Variants in VRK2 observed in about 807,000 individuals in gnomAD.
VRK2 encodes the protein VRK serine/threonine kinase 2, also known as serine/threonine-protein kinase VRK2.
A neutral mutation model predicts 57.6 loss-of-function variants in VRK2; 60 were observed. The observed-to-expected ratio is 1.04, with a 90% CI of 0.85 to 1.29. The LOEUF is 1.29. Among genes scored for constraint, VRK2 ranks in the 50% most tolerant of loss-of-function variants. The pLI is 0.00. For synonymous variants in VRK2, 231 were observed against 199.2 expected (o/e 1.16, Z -1.35); for missense variants, 705 against 588.1 (o/e 1.20, Z -2.06).
At position 58,046,879 on chromosome 2, in the gene VRK2, T is replaced by G; in HGVS notation, c.-6+11T>G. On this transcript the variant is annotated intron_variant, in intron 1 of 12. Transcript: ENST00000340157. ...GGATCCTGAGGCCCGGTCAGTCTCT[T>G]GCTCTGGGGTCTTGGGTGGCGGGCG... is the stretch of plus-strand genomic sequence containing the variant. 3.0e-6 allele frequency: 3 copies of G among 985,294 alleles called. No homozygotes were observed. The highest frequency in any genetic ancestry group is 2.4e-6 in the Non-Finnish European group (2 of 829,830). 61.0% of individuals were successfully genotyped at this position (985,294 alleles called of 1,614,324 possible).
At chr2:58,134,851 C>A (rs1679778408) in intron 9 of VRK2, among the ~76,000 whole-genome samples, 1 of 152,032 alleles carries the variant, frequency 6.6e-6, no homozygotes, top group Admixed American at 6.5e-5. Context: ...GTTAACTGGT[C>A]TTTTGTTATA....
intron 12 of VRK2, among the ~76,000 whole-genome samples, chr2:58,151,770 T>G (rs12713374): frequency 7.7e-6 from 1 of 129,064 alleles, no homozygotes; most frequent in Non-Finnish European, 1.6e-5. Context: ...TTTTTTTTGG[T>G]GGTCACTCTA....
chr2:58,102,597 A>G (rs1674152166), intron 7 of VRK2, among the ~76,000 whole-genome samples: 1 of 151,638 alleles, frequency 6.6e-6, no homozygotes, highest in South Asian at 2.1e-4. Context: ...AGGAGCAGCC[A>G]GATTCATAAA....
chr2:58,142,299 A>G (rs948683197), intron 11 of VRK2, among the ~76,000 whole-genome samples: 8 of 151,698 alleles, frequency 5.3e-5, no homozygotes, highest in Non-Finnish European at 1.0e-4. Flanking sequence ...CACCAAACTT[A>G]CATCACCTTT....
rs572693048 is a variant in VRK2, at chr2:58,030,812, C to T, written c.-332-2415C>T. 4.6e-5 allele frequency among the ~76,000 whole-genome samples: 7 copies of T among 152,150 alleles called. No homozygotes were observed. The East Asian group carries it at 1.2e-3, about 25-fold the overall frequency. ...ATGGAGTTGAAAGTGATGCATATGA[C>T]TTCTGAGGCTGGTAAGAAGAGGCAA... On this transcript the variant is annotated intron_variant, in intron 2 of 15. Transcript: ENST00000417641.
chr2:58,038,030 C>G (rs1674330099), intron 3 of VRK2, among the ~76,000 whole-genome samples: 1 of 152,064 alleles, frequency 6.6e-6, no homozygotes. Context: ...ATATGACACC[C>G]CAAAATATGC....
intron 1 of VRK2, among the ~76,000 whole-genome samples, chr2:57,952,105 T>C (rs1264233893): frequency 6.6e-6 from 1 of 151,706 alleles, no homozygotes; most frequent in Non-Finnish European, 1.5e-5. Flanking sequence ...TATACCTTAA[T>C]TTATATTTAT....
At chr2:58,156,979 T>C (rs1197774435) in intron 12 of VRK2, among the ~76,000 whole-genome samples, 1 of 152,134 alleles carries the variant, frequency 6.6e-6, no homozygotes, top group East Asian at 1.9e-4. Flanking sequence ...TAAAGAGTTT[T>C]GAGGTTAGTT....
At chr2:57,981,802 G>C (rs1228165988) in intron 1 of VRK2, among the ~76,000 whole-genome samples, 3 of 152,126 alleles carry the variant, frequency 2.0e-5, no homozygotes, top group Non-Finnish European at 2.9e-5. Context: ...CCATTTTACT[G>C]TGGTCCTTGG....
At chr2:57,929,471 C>T (rs1368998307) in intron 1 of VRK2, among the ~76,000 whole-genome samples, 5 of 152,114 alleles carry the variant, frequency 3.3e-5, no homozygotes, top group Non-Finnish European at 7.3e-5. Flanking sequence ...TTCCCTCTGG[C>T]CTAGGACTGT....
At chr2:58,158,947 C>T (rs1260430648) in intron 12 of VRK2, among the ~76,000 whole-genome samples, 1 of 152,084 alleles carries the variant, frequency 6.6e-6, no homozygotes, top group Non-Finnish European at 1.5e-5. Flanking sequence ...GCCATGGAAT[C>T]AGAAGGTAAA....
chr2:57,928,868 A>C (rs1028814398), intron 1 of VRK2, among the ~76,000 whole-genome samples: 6 of 152,220 alleles, frequency 3.9e-5, no homozygotes, highest in African/African-American at 1.4e-4. Context: ...ATTACCAGAC[A>C]GAGATTTTTG....
At chr2:57,958,446 T>TACAAA (rs1671653503) in intron 1 of VRK2, among the ~76,000 whole-genome samples, 1 of 142,114 alleles carries the variant, frequency 7.0e-6, no homozygotes, top group African/African-American at 3.1e-5. Flanking sequence ...TGTATATATA[T>TACAAA]TTGTATATAT....
intron 7 of VRK2, among the ~76,000 whole-genome samples, chr2:58,121,735 A>G (rs923704623): frequency 1.3e-5 from 2 of 152,210 alleles, no homozygotes; most frequent in Non-Finnish European, 2.9e-5. Context: ...TAAATACTCT[A>G]TTGTCTTGAA....
At chr2:57,940,099 T>C (rs1049861083) in intron 1 of VRK2, among the ~76,000 whole-genome samples, 5 of 152,124 alleles carry the variant, frequency 3.3e-5, no homozygotes, top group Non-Finnish European at 7.4e-5. Context: ...AATAATAGTT[T>C]AGATATAGTA....
At chr2:58,146,099 A>AC (rs1346605270) in intron 11 of VRK2, among the ~76,000 whole-genome samples, 1 of 151,870 alleles carries the variant, frequency 6.6e-6, no homozygotes, top group Non-Finnish European at 1.5e-5. Context: ...GCATGCAGTG[A>AC]CACTAATTTT....
At chr2:57,999,504 C>A (rs537726470) in intron 1 of VRK2, among the ~76,000 whole-genome samples, 1 of 152,130 alleles carries the variant, frequency 6.6e-6, no homozygotes, top group African/African-American at 2.4e-5. Context: ...CTTAAGTCTA[C>A]AACAGCCTAA....
At chr2:57,920,774 A>G (rs1670315551) in intron 1 of VRK2, among the ~76,000 whole-genome samples, 1 of 152,200 alleles carries the variant, frequency 6.6e-6, no homozygotes, top group South Asian at 2.1e-4. Context: ...GAGATCAACT[A>G]TGGGTGAGAA....
At chr2:57,985,229 T>C (rs1293506492) in intron 1 of VRK2, among the ~76,000 whole-genome samples, 1 of 152,068 alleles carries the variant, frequency 6.6e-6, no homozygotes, top group Non-Finnish European at 1.5e-5. Flanking sequence ...GTCTAAAGGT[T>C]AATGAAATTT....
Sources: allele counts gnomAD v4.1 joint callset (sites outside exome capture counted in the v4.1 genomes callset), GRCh38; gene constraint gnomAD v4.1.1; transcripts MANE v1.5; gene names NCBI Gene and HGNC (gene_info 2026-07-23, HGNC 2026-07-21).